ATP8A2: variants seen among roughly 807,000 people sequenced by gnomAD.
The protein encoded by ATP8A2 is phospholipid-transporting ATPase IB.
ATP8A2 carries 100 observed loss-of-function variants against 165.6 expected under a neutral mutation model. The ratio of observed to expected loss-of-function variants is 0.60; its 90% CI spans 0.51 to 0.71. ATP8A2 has a LOEUF of 0.71. Among genes scored for constraint, ATP8A2 ranks in the 30% least tolerant of loss-of-function variants. The probability of loss-of-function intolerance (pLI) is 0.00; values close to 1 mark genes in which losing one functional copy is unlikely to be tolerated. For missense variants in ATP8A2, 1,227 were observed against 1,479.5 expected, an observed-to-expected ratio of 0.83 and a Z score of 2.80; for synonymous variants, 543 against 548.8, an observed-to-expected ratio of 0.99 and a Z score of 0.15.
At chr13:25,894,702 T>C (rs982526413) in intron 33 of ATP8A2, among the ~76,000 whole-genome samples, 2 of 152,218 alleles carry the variant, frequency 1.3e-5, no homozygotes, top group African/African-American at 4.8e-5. Context: ...TATCCTCTTT[T>C]ATTTCCTTGA....
intron 28 of ATP8A2, among the ~76,000 whole-genome samples, chr13:25,832,482 C>G (rs1026923490): frequency 6.6e-6 from 1 of 151,860 alleles, no homozygotes; most frequent in Non-Finnish European, 1.5e-5. Context: ...CAAATGGAGT[C>G]CAATAATATA....
At position 25,550,490 on chromosome 13, in the gene ATP8A2, A is replaced by G. The variant is rs115355191; in HGVS notation, c.892-848A>G. Among the ~76,000 whole-genome samples the G allele has an allele frequency of 9.6e-3, 1,460 of 152,238 alleles. 24 individuals are homozygous for G. The highest frequency in any genetic ancestry group is 0.033 in the African/African-American group (1,377 of 41,538). On this transcript the variant is annotated intron_variant, in intron 10 of 36. Transcript: ENST00000381655. ...TGTTGACTTTCCCATGGCTGAGAGG[A>G]TCTAGTCCCAAATGTTCCACCTGAA...
At chr13:25,968,343 G>A (rs981479489) in intron 34 of ATP8A2, among the ~76,000 whole-genome samples, 2 of 152,184 alleles carry the variant, frequency 1.3e-5, no homozygotes, top group African/African-American at 2.4e-5. Flanking sequence ...TGCGGGGTGG[G>A]GGTGACTCTT....
intron 1 of ATP8A2, among the ~76,000 whole-genome samples, chr13:25,440,966 A>G (rs1415740136): frequency 6.6e-6 from 1 of 152,220 alleles, no homozygotes. Context: ...GATAGCAGGA[A>G]ATCCAGCAAT....
At chr13:25,424,501 G>A (rs1232096438) in intron 1 of ATP8A2, among the ~76,000 whole-genome samples, 1 of 152,170 alleles carries the variant, frequency 6.6e-6, no homozygotes, top group South Asian at 2.1e-4. Flanking sequence ...CTCTGAGCAG[G>A]ATGTCTCAGT....
intron 33 of ATP8A2, among the ~76,000 whole-genome samples, chr13:25,919,483 C>T (rs904449636): frequency 6.6e-6 from 1 of 152,146 alleles, no homozygotes; most frequent in African/African-American, 2.4e-5. Context: ...GGAGGGCTGT[C>T]TGAGCTCTGA....
At chr13:25,973,072 G>A (rs1216438134) in intron 35 of ATP8A2, among the ~76,000 whole-genome samples, 1 of 152,168 alleles carries the variant, frequency 6.6e-6, no homozygotes, top group Non-Finnish European at 1.5e-5. Context: ...GGGGTGGGGT[G>A]AGCCCAGGGC....
rs576968191 is a variant in ATP8A2 at position 25,721,875 on chromosome 13, A to G, written c.2384+22530A>G. Among the ~76,000 whole-genome samples the G allele has an allele frequency of 2.6e-5, 4 of 152,186 alleles. No homozygotes were observed. In the South Asian group the frequency reaches 6.2e-4, roughly 24 times the overall value. On this transcript the variant is annotated intron_variant, in intron 25 of 36. Transcript: ENST00000381655. ...GACATTTAGGCTATTTCCACCTTTT[A>G]TTGTCTATGATAAATAATGCTGCTA... is the stretch of plus-strand genomic sequence containing the variant.
In ATP8A2 at chr13:25,953,411, TCTC is replaced by T. The variant is rs376827926; in HGVS notation, c.3184-8160_3184-8158del. On this transcript the variant is annotated intron_variant, in intron 33 of 36. Transcript: ENST00000381655. The surrounding 1 kb of genome is among the most constrained non-coding windows in gnomAD (Gnocchi z 6.7). ...ACGCACGAAGAAATTTGAGCTTCCT[TCTC>T]CTCACAGGTGAACTGTTGCTGCTCC... Among the ~76,000 whole-genome samples, 3 of 151,736 alleles carry T rather than the reference TCTC, an allele frequency of 2.0e-5. No homozygotes were observed. The highest frequency in any genetic ancestry group is 3.9e-4 in the East Asian group (2 of 5,120).
chr13:25,809,982 C>G (rs1411932322), intron 27 of ATP8A2, among the ~76,000 whole-genome samples: 1 of 152,156 alleles, frequency 6.6e-6, no homozygotes, highest in Non-Finnish European at 1.5e-5. Context: ...CTGTCTGCTT[C>G]CTGGGGAGCT....
intron 2 of ATP8A2, among the ~76,000 whole-genome samples, chr13:25,472,972 G>A (rs1017377014): frequency 2.0e-5 from 3 of 152,176 alleles, no homozygotes; most frequent in Non-Finnish European, 2.9e-5. Flanking sequence ...AGCGAGGGGC[G>A]GCATGCTGTC....
At chr13:26,001,017 G>T (rs545669999) in intron 35 of ATP8A2, among the ~76,000 whole-genome samples, 1 of 152,136 alleles carries the variant, frequency 6.6e-6, no homozygotes. Context: ...TATGTGTGAC[G>T]CAGTCCTTCC....
At chr13:25,516,569 A>G (rs573417067) in intron 2 of ATP8A2, among the ~76,000 whole-genome samples, 2 of 152,314 alleles carry the variant, frequency 1.3e-5, no homozygotes, top group Non-Finnish European at 2.9e-5. Flanking sequence ...CAGTGGCTGC[A>G]TGGGGCCTGA....
intron 2 of ATP8A2, among the ~76,000 whole-genome samples, chr13:25,480,274 G>T (rs1361351701): frequency 6.7e-6 from 1 of 149,968 alleles, no homozygotes; most frequent in African/African-American, 2.5e-5. Context: ...CTCCCGGACG[G>T]GGCGGCTGGC....
intron 33 of ATP8A2, among the ~76,000 whole-genome samples, chr13:25,878,416 G>C (rs975229788): frequency 2.9e-5 from 4 of 138,792 alleles, no homozygotes; most frequent in African/African-American, 1.1e-4. Context: ...CGAGTCCATA[G>C]AGTAAAGTGA....
At chr13:25,854,592 AG>A (rs1488260671) in intron 30 of ATP8A2, among the ~76,000 whole-genome samples, 1 of 152,198 alleles carries the variant, frequency 6.6e-6, no homozygotes, top group African/African-American at 2.4e-5. Context: ...CTGGGATTGC[AG>A]GTGTGGGCCA....
chr13:25,523,837 A>G (rs2137861178), intron 2 of ATP8A2, among the ~76,000 whole-genome samples: 1 of 151,930 alleles, frequency 6.6e-6, no homozygotes, highest in Middle Eastern at 3.4e-3. Context: ...GATCTTTTGT[A>G]CTTTTTTTAG....
At chr13:25,686,127 C>CAT (rs1209508417) in intron 24 of ATP8A2, among the ~76,000 whole-genome samples, 1 of 152,138 alleles carries the variant, frequency 6.6e-6, no homozygotes, top group Non-Finnish European at 1.5e-5. Flanking sequence ...GGTGGTGTTC[C>CAT]ATAACTATTC....
chr13:25,579,381 C>T (rs1198670004), intron 21 of ATP8A2, among the ~76,000 whole-genome samples: 1 of 152,212 alleles, frequency 6.6e-6, no homozygotes, highest in Non-Finnish European at 1.5e-5. Flanking sequence ...GCTCTGCGTG[C>T]ATGCACATAT....
Sources: allele counts gnomAD v4.1 joint callset (sites outside exome capture counted in the v4.1 genomes callset), GRCh38; gene constraint gnomAD v4.1.1; non-coding constraint Gnocchi (gnomAD v3.1); transcripts MANE v1.5; gene names NCBI Gene and HGNC (gene_info 2026-07-23, HGNC 2026-07-21).